The following ASTN2 variants were observed in gnomAD, a reference collection of about 807,000 sequenced individuals.
ASTN2 encodes astrotactin-2.
A neutral mutation model predicts 139.8 loss-of-function variants in ASTN2; 54 were observed. The observed-to-expected ratio is 0.39, with a 90% confidence interval of 0.31 to 0.48. ASTN2 has a LOEUF of 0.48. Among genes scored for constraint, ASTN2 ranks in the 20% least tolerant of loss-of-function variants. ASTN2 has a pLI of 0.95. For missense variants in ASTN2, 1,565 were observed against 1,725.1 expected (o/e 0.91, Z 1.64); for synonymous variants, 756 against 719.5 (o/e 1.05, Z -0.81).
chr9:116,687,263 T>C (rs1323396497), intron 16 of ASTN2: 1 of 992,736 alleles, frequency 1.0e-6, no homozygotes, highest in African/African-American at 1.7e-5. Context: ...CGGGGCTCAG[T>C]GACGGACAGG....
chr9:117,046,422 G>A (rs1297752897), intron 5 of ASTN2, among the ~76,000 whole-genome samples: 1 of 152,178 alleles, frequency 6.6e-6, no homozygotes. Context: ...AAAGGGTAGT[G>A]ATAATCCCTA....
At chr9:117,326,355 A>C (rs1415848949) in intron 1 of ASTN2, among the ~76,000 whole-genome samples, 1 of 152,188 alleles carries the variant, frequency 6.6e-6, no homozygotes, top group African/African-American at 2.4e-5. Context: ...TTAATGGCAG[A>C]GTCAAGACTC....
At chr9:116,531,108 T>G (rs1204657854) in intron 19 of ASTN2, among the ~76,000 whole-genome samples, 1 of 152,186 alleles carries the variant, frequency 6.6e-6, no homozygotes, top group Non-Finnish European at 1.5e-5. Context: ...TCTCATCCAT[T>G]AGTCTGAGTT....
At chr9:116,790,366 T>C (rs1233577830) in intron 13 of ASTN2, among the ~76,000 whole-genome samples, 1 of 152,178 alleles carries the variant, frequency 6.6e-6, no homozygotes, top group Non-Finnish European at 1.5e-5. Context: ...CAGCTAGTAA[T>C]GGCCCCCTTT....
At chr9:117,304,325 A>T (rs1834947755) in intron 1 of ASTN2, among the ~76,000 whole-genome samples, 1 of 152,148 alleles carries the variant, frequency 6.6e-6, no homozygotes, top group Admixed American at 6.5e-5. Context: ...TGTGCGTGTC[A>T]CGCTATATGT....
At chr9:117,320,198 C>G (rs1292821945) in intron 1 of ASTN2, among the ~76,000 whole-genome samples, 1 of 152,122 alleles carries the variant, frequency 6.6e-6, no homozygotes, top group African/African-American at 2.4e-5. Context: ...GACTGGGATG[C>G]TCACCGAAAT....
chr9:117,077,387 G>A (rs1381601688), intron 5 of ASTN2, among the ~76,000 whole-genome samples: 1 of 152,118 alleles, frequency 6.6e-6, no homozygotes, highest in Non-Finnish European at 1.5e-5. Flanking sequence ...TACTTCTCTG[G>A]GTTGTTGTAA....
At chr9:116,681,462 C>T (rs1335219898) in intron 16 of ASTN2, among the ~76,000 whole-genome samples, 1 of 152,100 alleles carries the variant, frequency 6.6e-6, no homozygotes, top group African/African-American at 2.4e-5. Context: ...AGGTAATTTA[C>T]AGATTCAATG....
chr9:116,924,263 A>T (rs866803655), intron 10 of ASTN2, among the ~76,000 whole-genome samples: 4,617 of 150,680 alleles, frequency 0.031, 230 homozygotes, highest in African/African-American at 0.097. Context: ...ATAAAAAAAA[A>T]AAAAAAAAAA....
At chr9:117,074,460 A>T (rs1368338140) in intron 5 of ASTN2, among the ~76,000 whole-genome samples, 1 of 152,226 alleles carries the variant, frequency 6.6e-6, no homozygotes, top group African/African-American at 2.4e-5. Flanking sequence ...CTGAGTCAAC[A>T]TGATACTCTA....
intron 1 of ASTN2, among the ~76,000 whole-genome samples, chr9:117,314,053 AT>A (rs1232900353): frequency 6.6e-6 from 1 of 152,176 alleles, no homozygotes; most frequent in Non-Finnish European, 1.5e-5. Context: ...CTTTTAACAG[AT>A]TTCTAATGCA....
chr9:117,177,767 G>A (rs915283), intron 3 of ASTN2, among the ~76,000 whole-genome samples: 149,236 of 152,290 alleles, frequency 0.98, 73,171 homozygotes, highest in Non-Finnish European at 1. Flanking sequence ...CATCATTTTT[G>A]TTATTGTTAT....
chr9:116,638,490 TC>T (rs1463126596), intron 17 of ASTN2, among the ~76,000 whole-genome samples: 1 of 151,668 alleles, frequency 6.6e-6, no homozygotes, highest in Non-Finnish European at 1.5e-5. Context: ...TTCTAATAGA[TC>T]ACCTTTGTCT....
intron 16 of ASTN2, among the ~76,000 whole-genome samples, chr9:116,673,306 C>G (rs1041636147): frequency 3.3e-5 from 5 of 152,158 alleles, no homozygotes; most frequent in Non-Finnish European, 5.9e-5. Flanking sequence ...ACACAATTCA[C>G]CGGTTACATA....
chr9:116,522,003 A>G (rs780920753), intron 19 of ASTN2, among the ~76,000 whole-genome samples: 2 of 152,030 alleles, frequency 1.3e-5, no homozygotes, highest in African/African-American at 4.8e-5. Flanking sequence ...AATAAAAAAA[A>G]CAAAAAGTAA....
chr9:116,791,133 G>A (rs545808369), intron 13 of ASTN2, among the ~76,000 whole-genome samples: 1 of 152,274 alleles, frequency 6.6e-6, no homozygotes, highest in South Asian at 2.1e-4. Flanking sequence ...GGGATTACAG[G>A]CGTGAGCCAC....
At chr9:116,469,109 T>C (rs140561908) in intron 20 of ASTN2, among the ~76,000 whole-genome samples, 134 of 152,304 alleles carry the variant, frequency 8.8e-4, no homozygotes, top group African/African-American at 3.0e-3. Flanking sequence ...GTCTCGTTCA[T>C]CTCTGGGTTC....
At position 117,129,017 on chromosome 9, in the gene ASTN2, G is replaced by C. The variant is rs372249846; in HGVS notation, c.1168+12309C>G. Reference sequence around the variant, plus strand: ...CCTTCCTACAACATGTGGAAATCACGGGAGTACAATTCAAGATGATATTTG... The same window carrying C: ...CCTTCCTACAACATGTGGAAATCACCGGAGTACAATTCAAGATGATATTTG... On this transcript the variant is annotated intron_variant, in intron 4 of 22. Coordinates refer to ENST00000313400, the MANE Select transcript of ASTN2 (RefSeq NM_001365068.1). Among the ~76,000 whole-genome samples the C allele has an allele frequency of 1.2e-4, 19 of 152,254 alleles. No homozygotes were observed. In the South Asian group the frequency reaches 2.3e-3, roughly 18 times the overall value.
chr9:117,019,192 CAAAG>C (rs1564387485), intron 6 of ASTN2, among the ~76,000 whole-genome samples: 2 of 151,138 alleles, frequency 1.3e-5, no homozygotes, highest in Non-Finnish European at 2.9e-5. Flanking sequence ...GAAAAAAAAA[CAAAG>C]AAGTCAGGGA....
Sources: allele counts gnomAD v4.1 joint callset (sites outside exome capture counted in the v4.1 genomes callset), GRCh38; gene constraint gnomAD v4.1.1; transcripts MANE v1.5; gene names NCBI Gene and HGNC (gene_info 2026-07-23, HGNC 2026-07-21).